The following VWA5B1 variants were observed in gnomAD, a reference collection of about 807,000 sequenced individuals.
The protein encoded by VWA5B1 is von Willebrand factor A domain-containing protein 5B1.
In VWA5B1, 115 loss-of-function variants were observed where a neutral mutation model predicts 118.2. The observed-to-expected ratio is 0.97, with a 90% CI of 0.84 to 1.14. The LOEUF (loss-of-function observed/expected upper bound fraction) is 1.14. Among genes scored for constraint, VWA5B1 ranks in the 50% most tolerant of loss-of-function variants. The pLI, the probability that VWA5B1 is intolerant of heterozygous loss-of-function variation, is 0.00. For synonymous variants in VWA5B1, 682 were observed against 658.4 expected, an observed-to-expected ratio of 1.04 and a Z score of -0.55; for missense variants, 1,596 against 1,603.8, an observed-to-expected ratio of 1.00 and a Z score of 0.08.
rs527747696 is a variant in VWA5B1, at chr1:20,325,943, T to C, written c.1144-1947T>C. On this transcript the variant is annotated intron_variant, in intron 8 of 21. Transcript: ENST00000289815. Reference sequence around the variant, plus strand: ...AGAAAATAGAAATCCAAAGAGCTTATGCCAAAGGGGAAAGTCCGGCCAATT... The same window carrying C: ...AGAAAATAGAAATCCAAAGAGCTTACGCCAAAGGGGAAAGTCCGGCCAATT... Among the ~76,000 whole-genome samples the C allele has an allele frequency of 2.1e-3, 316 of 152,304 alleles. 2 individuals carry two copies. The highest frequency in any genetic ancestry group is 3.2e-3 in the Non-Finnish European group (221 of 68,026).
chr1:20,317,735 A>G, intron 5 of VWA5B1, 60 bp downstream of exon 5: 5 of 885,500 alleles, frequency 5.6e-6, no homozygotes, highest in South Asian at 4.6e-5. Flanking sequence ...AAAGGCTGCC[A>G]GGGATGGGAC....
At chr1:20,301,447 C>T (rs980314154) in intron 1 of VWA5B1, among the ~76,000 whole-genome samples, 3 of 152,184 alleles carry the variant, frequency 2.0e-5, no homozygotes, top group Non-Finnish European at 4.4e-5. Flanking sequence ...CAATGAGAGA[C>T]CACTGGAGAA....
chr1:20,298,334 G>C (rs1340585927), intron 1 of VWA5B1, among the ~76,000 whole-genome samples: 2 of 152,144 alleles, frequency 1.3e-5, no homozygotes, highest in African/African-American at 4.8e-5. Flanking sequence ...AGGGTAAGCT[G>C]GTCAGGGGCT....
intron 20 of VWA5B1, 95 bp downstream of exon 20, chr1:20,351,021 G>T: frequency 8.0e-7 from 1 of 1,250,316 alleles, no homozygotes; most frequent in Non-Finnish European, 1.1e-6. Flanking sequence ...CCAAAGACAG[G>T]TTCAGCCTGA....
rs1412776740 is a variant in VWA5B1, at chr1:20,343,215, C to CCTG, written c.2450_2452dup (p.Leu817dup). 8 of 1,549,692 alleles carry CCTG rather than the reference C, an allele frequency of 5.2e-6. No individual in the cohort carries two copies. The Admixed American group carries it at 1.6e-4, about 30-fold the overall frequency. On this transcript the variant is annotated inframe_insertion, in exon 16 of 22. Coordinates refer to ENST00000289815, the MANE Select transcript of VWA5B1 (RefSeq NM_001039500.3). ...TGCTGGGCAAGGCCCTGGTCAAAGG[C>CCTG]CTGCACGACAGCCAACGCCTGCAGT...
At chr1:20,307,515 C>T (rs1313669001) in intron 1 of VWA5B1, among the ~76,000 whole-genome samples, 4 of 152,234 alleles carry the variant, frequency 2.6e-5, no homozygotes, top group Non-Finnish European at 5.9e-5. Flanking sequence ...AGAATAATAC[C>T]TTAGAAGGTT....
rs918398290 is a variant in VWA5B1 at position 20,355,798 on chromosome 1, C to T, written c.*1535C>T. ...GCCCCAACATGATATGGTGCCCTGC[C>T]CCCCACCCCCACCCCTCCATCTATG... On this transcript the variant is annotated 3_prime_UTR_variant, in exon 22 of 22. Transcript: ENST00000289815. 2.1e-5 allele frequency among the ~76,000 whole-genome samples: 3 copies of T among 146,274 alleles called. No homozygotes were observed. Among genetic ancestry groups the T allele is most frequent in the African/African-American group, 2.5e-5 (1 of 40,276 alleles).
chr1:20,320,655 G>C (rs754375814), intron 7 of VWA5B1, among the ~76,000 whole-genome samples: 1 of 152,240 alleles, frequency 6.6e-6, no homozygotes, highest in Non-Finnish European at 1.5e-5. Context: ...CCTTGGGGTG[G>C]TTATGCAAAT....
chr1:20,311,445 C>T (rs748499530), intron 2 of VWA5B1, among the ~76,000 whole-genome samples: 6 of 152,230 alleles, frequency 3.9e-5, no homozygotes, highest in Non-Finnish European at 7.3e-5. Context: ...CCCTCAAAAT[C>T]GCTATGCTCC....
chr1:20,341,207 C>T (rs1048195545), intron 14 of VWA5B1, among the ~76,000 whole-genome samples: 6 of 152,214 alleles, frequency 3.9e-5, no homozygotes, highest in African/African-American at 1.4e-4. Context: ...TGATGCCAAC[C>T]CCGACTGATT....
Position 20,343,157 on chromosome 1 carries a change from C to G in VWA5B1, c.2390C>G (p.Ala797Gly), listed in dbSNP as rs1231206861. The G allele has an allele frequency of 6.5e-7, 1 of 1,548,512 alleles. No individual in the cohort carries two copies. Among genetic ancestry groups the G allele is most frequent in the Admixed American group, 2.0e-5 (1 of 50,942 alleles). Residue 797 changes from alanine (A) to glycine (G), a missense_variant, in exon 16 of 22, where the codon GCC becomes GGC. By Grantham distance (60) the Ala-to-Gly change is moderately conservative. Coordinates refer to ENST00000289815, the MANE Select transcript of VWA5B1 (RefSeq NM_001039500.3). ...CCCCCAGCCGAGTCCCAGGAGCGAG[C>G]CAGTCCCAGCAGGCCCGCCACCCCG... ...WDPPAESQER[A>G]SPSRPATPAP...
intron 1 of VWA5B1, among the ~76,000 whole-genome samples, chr1:20,308,367 C>T (rs945557803): frequency 6.6e-6 from 1 of 152,170 alleles, no homozygotes; most frequent in African/African-American, 2.4e-5. Context: ...CAGAATCTCA[C>T]CCCAAGGTGG....
chr1:20,321,567 G>A (rs1244851384), intron 7 of VWA5B1, among the ~76,000 whole-genome samples: 1 of 152,176 alleles, frequency 6.6e-6, no homozygotes, highest in Non-Finnish European at 1.5e-5. Flanking sequence ...CCTGGTGGCA[G>A]AGCGAGACTC....
chr1:20,346,472 C>A (rs938399605), intron 17 of VWA5B1, among the ~76,000 whole-genome samples: 3 of 152,138 alleles, frequency 2.0e-5, no homozygotes, highest in African/African-American at 4.8e-5. Context: ...GTAAATTATA[C>A]CTTAAAGAAC....
intron 4 of VWA5B1, among the ~76,000 whole-genome samples, chr1:20,316,170 G>T (rs913838641): frequency 1.3e-5 from 2 of 152,188 alleles, no homozygotes; most frequent in African/African-American, 2.4e-5. Flanking sequence ...GGGGATGCTT[G>T]TTCACTGCTA....
chr1:20,351,775 C>G (rs1205253845), intron 20 of VWA5B1, among the ~76,000 whole-genome samples: 1 of 152,154 alleles, frequency 6.6e-6, no homozygotes, highest in East Asian at 1.9e-4. Context: ...TTGTGTCCCT[C>G]CAGCCTAGGT....
chr1:20,349,529 A>ACCTG (rs2090080081), intron 18 of VWA5B1, among the ~76,000 whole-genome samples: 1 of 151,888 alleles, frequency 6.6e-6, no homozygotes, highest in African/African-American at 2.4e-5. Flanking sequence ...GACTACAGGC[A>ACCTG]CCTGCCACCA....
At chr1:20,301,416 A>C (rs1427352736) in intron 1 of VWA5B1, among the ~76,000 whole-genome samples, 1 of 152,238 alleles carries the variant, frequency 6.6e-6, no homozygotes, top group Non-Finnish European at 1.5e-5. Flanking sequence ...AGAGGGTGAA[A>C]CTGAATTTCA....
At chr1:20,340,009 A>C (rs2100976572) in intron 14 of VWA5B1, among the ~76,000 whole-genome samples, 1 of 152,222 alleles carries the variant, frequency 6.6e-6, no homozygotes, top group East Asian at 1.9e-4. Flanking sequence ...CCTGGCACCC[A>C]GCAGGCATCC....
Sources: allele counts gnomAD v4.1 joint callset (sites outside exome capture counted in the v4.1 genomes callset), GRCh38; gene constraint gnomAD v4.1.1; transcripts MANE v1.5; gene names NCBI Gene and HGNC (gene_info 2026-07-23, HGNC 2026-07-21).